ELAVL4: variants seen among roughly 807,000 people sequenced by gnomAD.
ELAVL4 encodes the protein ELAV like RNA binding protein 4.
A neutral mutation model predicts 35.6 loss-of-function variants in ELAVL4; 1 was observed. The ratio of observed to expected loss-of-function variants is 0.03; its 90% CI spans 0.01 to 0.13. The LOEUF (loss-of-function observed/expected upper bound fraction) is 0.13. Ranked by LOEUF, ELAVL4 falls within the 10% of genes least tolerant of loss-of-function variation. The pLI, the probability that ELAVL4 is intolerant of heterozygous loss-of-function variation, is 1.00. For missense variants in ELAVL4, 267 were observed against 464.9 expected, an observed-to-expected ratio of 0.57 and a Z score of 3.91; for synonymous variants, 156 against 171.0, an observed-to-expected ratio of 0.91 and a Z score of 0.69.
intron 1 of ELAVL4, among the ~76,000 whole-genome samples, chr1:50,076,435 GCTTA>G (rs1288966957): frequency 1.3e-5 from 2 of 152,150 alleles, no homozygotes; most frequent in Non-Finnish European, 2.9e-5. Flanking sequence ...CTCTTACTGT[GCTTA>G]CTTCATAAAT....
chr1:50,141,187 G>C (rs2148674706), intron 1 of ELAVL4, among the ~76,000 whole-genome samples: 1 of 152,212 alleles, frequency 6.6e-6, no homozygotes, highest in African/African-American at 2.4e-5. Context: ...TATGAGTTTT[G>C]GTCCCACAGA....
intron 1 of ELAVL4, among the ~76,000 whole-genome samples, chr1:50,138,095 T>C (rs774940594): frequency 1.3e-5 from 2 of 152,204 alleles, no homozygotes; most frequent in Non-Finnish European, 2.9e-5. Flanking sequence ...TGACACTATA[T>C]GCTGCCAACA....
intron 6 of ELAVL4, 36 bp from the exon 7 acceptor site, chr1:50,200,815 G>C: frequency 6.2e-7 from 1 of 1,600,068 alleles, no homozygotes; most frequent in Non-Finnish European, 8.5e-7. Context: ...TCAGACTGAT[G>C]TCTGGACCAG....
At chr1:50,135,083 C>T (rs1413752876) in intron 1 of ELAVL4, among the ~76,000 whole-genome samples, 2 of 151,988 alleles carry the variant, frequency 1.3e-5, no homozygotes, top group Non-Finnish European at 2.9e-5. Flanking sequence ...AGTATTAATG[C>T]CTCTTGTTCT....
chr1:50,119,570 A>C, intron 1 of ELAVL4, among the ~76,000 whole-genome samples: 1 of 152,032 alleles, frequency 6.6e-6, no homozygotes, highest in East Asian at 1.9e-4. Context: ...TTTCATGAGA[A>C]GAAAAAAGAC....
At position 50,168,817 on chromosome 1, in the gene ELAVL4, C is replaced by G. The variant is rs555949007; in HGVS notation, c.251-8272C>G. Among the ~76,000 whole-genome samples, 116 of 151,946 alleles carry G rather than the reference C, an allele frequency of 7.6e-4. 1 individual carries two copies. The highest frequency in any genetic ancestry group is 5.8e-3 in the South Asian group (28 of 4,794). ...TTTGGGGTCTAATCATATTAAGCAG[C>G]CAACTCCAAAAATCCCAAAACTAAT... is the stretch of plus-strand genomic sequence containing the variant. On this transcript the variant is annotated intron_variant, in intron 2 of 6. Transcript: ENST00000371824.
chr1:50,081,095 G>A (rs1307069451), intron 1 of ELAVL4, among the ~76,000 whole-genome samples: 2 of 152,126 alleles, frequency 1.3e-5, no homozygotes, highest in Admixed American at 1.3e-4. Context: ...TCCCCTGACT[G>A]CCCTCTTGTG....
At position 50,078,430 on chromosome 1, in the gene ELAVL4, A is replaced by ATG. The variant is rs554120474; in HGVS notation, c.18+30248_18+30249insTG. Among the ~76,000 whole-genome samples the ATG allele has an allele frequency of 3.0e-4, 46 of 152,194 alleles. 1 individual carries two copies. The South Asian group carries it at 8.7e-3, about 29-fold the overall frequency. The stretch of plus-strand genomic sequence containing the variant: ...TTTACCCTCAGGTTGCCGTCTGCCA[A>ATG]ACTGTAATGAGTGTTTCACAAGTAC... On this transcript the variant is annotated intron_variant, in intron 1 of 6. Transcript: ENST00000448907.
chr1:50,050,080 C>T (rs1663273749), intron 1 of ELAVL4, among the ~76,000 whole-genome samples: 1 of 152,160 alleles, frequency 6.6e-6, no homozygotes, highest in Non-Finnish European at 1.5e-5. Context: ...CTGACCTCAC[C>T]ACTCAGTAGT....
intron 1 of ELAVL4, among the ~76,000 whole-genome samples, chr1:50,140,813 G>C (rs1672696626): frequency 6.6e-6 from 1 of 150,936 alleles, no homozygotes; most frequent in African/African-American, 2.4e-5. Flanking sequence ...TAGATGCAGA[G>C]CAAAGAGAGC....
At chr1:50,097,764 G>A (rs936708924) in intron 1 of ELAVL4, among the ~76,000 whole-genome samples, 8 of 152,126 alleles carry the variant, frequency 5.3e-5, no homozygotes, top group African/African-American at 7.2e-5. Flanking sequence ...CTGACACTAC[G>A]TCAAAGATAT....
rs958560014 is a variant in ELAVL4, at chr1:50,193,875, C to T, written c.465C>T (p.Tyr155=). 5.6e-6 allele frequency: 9 copies of T among 1,614,110 alleles called. No individual in the cohort carries two copies. The East Asian group carries it at 6.7e-5, about 12-fold the overall frequency. ...QKELEQLFSQ[Y]GRIITSRILV... is the part of the protein sequence containing the mutation. ...AACTGGAGCAACTTTTCTCGCAATA[C>T]GGCCGTATCATCACCTCACGAATCC... Residue 155 remains tyrosine, a synonymous_variant, in exon 4 of 7, where the codon TAC becomes TAT. Coordinates refer to ENST00000371824, the MANE Select transcript of ELAVL4 (RefSeq NM_001144774.3).
chr1:50,175,386 G>GTA (rs1460972916), intron 2 of ELAVL4: 3 of 86,718 alleles, frequency 3.5e-5, no homozygotes, highest in Non-Finnish European at 7.8e-5. Flanking sequence ...CCCACCACAC[G>GTA]TACACACACA....
chr1:50,097,472 C>G lies in ELAVL4; in HGVS notation c.19-47485C>G, dbSNP rs150330797. ...AACTGGCAGAGACTTCAGGAATCAT[C>G]TAGTTTCATTTCTTATTTACTCAAG... On this transcript the variant is annotated intron_variant, in intron 1 of 6. Coordinates refer to the ELAVL4 transcript ENST00000448907. Among the ~76,000 whole-genome samples the G allele has an allele frequency of 6.9e-3, 1,045 of 152,286 alleles. 12 individuals are homozygous for G. The highest frequency in any genetic ancestry group is 0.023 in the African/African-American group (973 of 41,564).
At chr1:50,132,926 C>T (rs1481726028) in intron 1 of ELAVL4, among the ~76,000 whole-genome samples, 1 of 152,154 alleles carries the variant, frequency 6.6e-6, no homozygotes, top group Non-Finnish European at 1.5e-5. Flanking sequence ...ATTTTTCCCT[C>T]CTACTCTGTA....
At position 50,197,693 on chromosome 1, in the gene ELAVL4, G is replaced by A. The variant is rs1644141026; in HGVS notation, c.773+226G>A. The A allele has an allele frequency of 2.0e-5, 9 of 442,384 alleles. No homozygotes were observed. In the South Asian group the frequency reaches 4.5e-4, roughly 22 times the overall value. 27.4% of individuals were successfully genotyped at this position (442,384 alleles called of 1,614,324 possible). A position where few individuals can be genotyped will look rare whatever the true frequency, so the allele number is the denominator to read the frequency against. On this transcript the variant is annotated intron_variant, in intron 6 of 6. Transcript: ENST00000371824. ...TTCACTTTTTCTTTTATTTGCAGGT[G>A]GGCTTCTCCTATGGTTCAGGTGCCA... is the stretch of plus-strand genomic sequence containing the variant.
chr1:50,161,728 C>G (rs747757637), intron 2 of ELAVL4, among the ~76,000 whole-genome samples: 1 of 152,076 alleles, frequency 6.6e-6, no homozygotes, highest in Non-Finnish European at 1.5e-5. Context: ...GTTGGCCTTT[C>G]TTTTGTTTGT....
chr1:50,126,314 G>A (rs924536988), intron 1 of ELAVL4, among the ~76,000 whole-genome samples: 1 of 152,116 alleles, frequency 6.6e-6, no homozygotes, highest in South Asian at 2.1e-4. Context: ...TCCTCTTGGT[G>A]TCACAGGCTT....
chr1:50,060,822 C>A (rs1663924217), intron 1 of ELAVL4, among the ~76,000 whole-genome samples: 1 of 152,178 alleles, frequency 6.6e-6, no homozygotes, highest in Non-Finnish European at 1.5e-5. Flanking sequence ...TGTGGCTGGA[C>A]AAAGTTGTCT....
Sources: gnomAD v4.1 joint callset for allele counts (sites outside exome capture counted in the v4.1 genomes callset) on GRCh38, gnomAD v4.1.1 for gene constraint, MANE v1.5 for transcripts, NCBI Gene and HGNC (gene_info 2026-07-23, HGNC 2026-07-21) for gene names.